Variants in FAM72A observed in about 807,000 individuals in gnomAD.
FAM72A encodes regulator of UNG2 and MKLN1 interacting yippee protein 1.
In FAM72A, 1 loss-of-function variant was observed where a neutral mutation model predicts 11.3. That is an observed-to-expected ratio of 0.09 (90% CI 0.03 to 0.42). The LOEUF is 0.42. Among genes scored for constraint, FAM72A ranks in the 10% least tolerant of loss-of-function variants. The probability of loss-of-function intolerance (pLI) is 0.98; values close to 1 mark genes in which losing one functional copy is unlikely to be tolerated. For missense variants in FAM72A, 15 were observed against 135.5 expected (o/e 0.11, Z 4.41); for synonymous variants, 5 against 46.9 (o/e 0.11, Z 3.65).
At chr1:206,205,171 T>TGGTGCCCCGCGTTCCTGCAGTCCCCGCCC (rs1665801463), upstream of FAM72A, 1 of 152,010 alleles carries the variant, frequency 6.6e-6, no homozygotes, top group East Asian at 1.9e-4. Context: ...AGTCCCCGCC[T>TGGTGCCCCGCGTTCCTGCAGTCCCCGCCC]GGTGCCCCGC....
At chr1:206,189,193 T>C (rs1213976354) in intron 3 of FAM72A, among the ~76,000 whole-genome samples, 1 of 152,138 alleles carries the variant, frequency 6.6e-6, no homozygotes, top group African/African-American at 2.4e-5. Flanking sequence ...TTTTTAAAAA[T>C]GTTGCAAATA....
chr1:206,198,094 T>G (rs1318284707), intron 2 of FAM72A, among the ~76,000 whole-genome samples: 2 of 151,092 alleles, frequency 1.3e-5, no homozygotes, highest in Non-Finnish European at 2.9e-5. Flanking sequence ...CTGGGTGCGG[T>G]GGCTCACGCC....
At chr1:206,203,819 A>G, upstream of FAM72A, 3 of 1,528,672 alleles carry the variant, frequency 2.0e-6, no homozygotes, top group East Asian at 7.4e-5. Context: ...ACCCTCTCCA[A>G]ATCTCCCAGT....
At chr1:206,205,257 G>A (rs1482475323), upstream of FAM72A, 10 of 148,450 alleles carry the variant, frequency 6.7e-5, no homozygotes, top group Non-Finnish European at 1.3e-4. Flanking sequence ...AAATCCGGAG[G>A]GAGCTTCCTT....
chr1:206,190,590 A>G (rs74993097), intron 3 of FAM72A, among the ~76,000 whole-genome samples: 44,342 of 97,218 alleles, frequency 0.46, 12,178 homozygotes, highest in African/African-American at 0.71. Flanking sequence ...ACTTAAAGTC[A>G]GCTGGCGAGG....
chr1:206,198,682 T>A (rs1462840359), intron 2 of FAM72A, among the ~76,000 whole-genome samples: 5 of 151,558 alleles, frequency 3.3e-5, no homozygotes, highest in Admixed American at 1.3e-4. Flanking sequence ...TCAGCTGTTG[T>A]AATTTATAGT....
upstream of FAM72A, chr1:206,203,797 C>G: frequency 6.5e-7 from 1 of 1,532,108 alleles, no homozygotes. Context: ...TCCCTCAGAC[C>G]GCCCCCCCTC....
chr1:206,203,660 C>T (rs1665537734), upstream of FAM72A: 2 of 615,442 alleles, frequency 3.2e-6, no homozygotes, highest in African/African-American at 3.7e-5. Context: ...GGTAAAGGCT[C>T]CTTCCCTCTT....
At chr1:206,193,063 G>A (rs1161919725) in intron 3 of FAM72A, among the ~76,000 whole-genome samples, 7 of 149,540 alleles carry the variant, frequency 4.7e-5, no homozygotes, top group Non-Finnish European at 9.0e-5. Context: ...ATAGGCATGC[G>A]CCACCATGCC....
Position 206,187,450 on chromosome 1 carries a change from T to A in FAM72A, c.356-77A>T, listed in dbSNP as rs1664588324. The A allele has an allele frequency of 4.0e-6, 6 of 1,501,838 alleles. No individual in the cohort carries two copies. The South Asian group carries it at 7.0e-5, about 17-fold the overall frequency. 93.0% of individuals were successfully genotyped at this position (1,501,838 alleles called of 1,614,324 possible). A position where few individuals can be genotyped will look rare whatever the true frequency, so the allele number is the denominator to read the frequency against. ...AGAACACGAATTACGAAACTTTATA[T>A]GTTAATATTCTTATGTAAACCATAG... On this transcript the variant is annotated intron_variant, in intron 3 of 3. Transcript: ENST00000367128.
intron 3 of FAM72A, among the ~76,000 whole-genome samples, chr1:206,189,526 G>C (rs1337134818): frequency 8.0e-5 from 11 of 137,276 alleles, no homozygotes; most frequent in Non-Finnish European, 1.7e-4. Flanking sequence ...GAGCTGACAG[G>C]AAGAACTGTA....
chr1:206,203,818 A>G (rs1553300053), upstream of FAM72A: 5 of 1,528,540 alleles, frequency 3.3e-6, no homozygotes, highest in Admixed American at 1.0e-4. Flanking sequence ...CACCCTCTCC[A>G]AATCTCCCAG....
At chr1:206,191,327 G>T (rs1397617203) in intron 3 of FAM72A, among the ~76,000 whole-genome samples, 1 of 108,130 alleles carries the variant, frequency 9.2e-6, no homozygotes, top group Non-Finnish European at 1.7e-5. Flanking sequence ...AGGTACTTCA[G>T]GCCAGGCATG....
intron 3 of FAM72A, among the ~76,000 whole-genome samples, chr1:206,188,733 T>TC (rs1280924966): frequency 7.8e-6 from 1 of 128,224 alleles, no homozygotes; most frequent in Non-Finnish European, 1.6e-5. Context: ...GGTCTTGAAC[T>TC]CCTGACCTCA....
At chr1:206,194,495 C>T (rs1427664866) in intron 3 of FAM72A, among the ~76,000 whole-genome samples, 3 of 151,904 alleles carry the variant, frequency 2.0e-5, no homozygotes, top group Non-Finnish European at 2.9e-5. Context: ...CAAATAGCAT[C>T]ACATGCTACA....
chr1:206,205,653 C>A, upstream of FAM72A: 1 of 337,676 alleles, frequency 3.0e-6, no homozygotes, highest in South Asian at 2.6e-5. Context: ...CTTCCACTCC[C>A]CGCCTGTGTC....
intron 3 of FAM72A, among the ~76,000 whole-genome samples, chr1:206,191,779 G>A (rs1221284894): frequency 4.0e-4 from 57 of 140,914 alleles, no homozygotes; most frequent in Non-Finnish European, 7.1e-4. Context: ...CCAGGCTGGA[G>A]TGCAGCGGTG....
chr1:206,189,469 C>T (rs1664686542), intron 3 of FAM72A, among the ~76,000 whole-genome samples: 2 of 132,988 alleles, frequency 1.5e-5, no homozygotes, highest in Non-Finnish European at 1.6e-5. Context: ...ACCCCCACCC[C>T]CACCCTAAGA....
chr1:206,205,388 C>T (rs1553300916), upstream of FAM72A: 1 of 121,794 alleles, frequency 8.2e-6, no homozygotes, highest in Non-Finnish European at 1.7e-5. Context: ...AGGATCTGCG[C>T]TCTGGCTGAT....
Sources: allele counts gnomAD v4.1 joint callset (sites outside exome capture counted in the v4.1 genomes callset), GRCh38; gene constraint gnomAD v4.1.1; transcripts MANE v1.5; gene names NCBI Gene and HGNC (gene_info 2026-07-23, HGNC 2026-07-21).